The following GABRB1 variants were observed in gnomAD, a reference collection of about 807,000 sequenced individuals.
GABRB1 encodes the protein gamma-aminobutyric acid receptor subunit beta-1.
GABRB1 carries 17 observed loss-of-function variants against 51.6 expected under a neutral mutation model. The ratio of observed to expected loss-of-function variants is 0.33; its 90% CI spans 0.23 to 0.49. The LOEUF (loss-of-function observed/expected upper bound fraction) is 0.49, where lower values mean the gene tolerates loss of function less well. GABRB1 is among the 20% of genes least tolerant of loss of function. The probability of loss-of-function intolerance (pLI) is 0.99; values close to 1 mark genes in which losing one functional copy is unlikely to be tolerated. For synonymous variants in GABRB1, 247 were observed against 218.9 expected (o/e 1.13, Z -1.14); for missense variants, 410 against 600.6 (o/e 0.68, Z 3.32).
intron 4 of GABRB1, among the ~76,000 whole-genome samples, chr4:47,203,208 A>G (rs1480994182): frequency 6.6e-6 from 1 of 152,144 alleles, no homozygotes; most frequent in African/African-American, 2.4e-5. Context: ...ATAGGGAGAA[A>G]TTATTTCCCT....
intron 4 of GABRB1, among the ~76,000 whole-genome samples, chr4:47,212,238 C>G (rs1160947187): frequency 6.6e-6 from 1 of 152,250 alleles, no homozygotes; most frequent in East Asian, 1.9e-4. Flanking sequence ...TCTTCCACCT[C>G]TGATCTCCTG....
intron 4 of GABRB1, among the ~76,000 whole-genome samples, chr4:47,214,614 T>G (rs191629622): frequency 1.3e-5 from 2 of 152,308 alleles, no homozygotes; most frequent in African/African-American, 4.8e-5. Flanking sequence ...ATTTCTCATA[T>G]GCAAAATATG....
chr4:47,019,551 C>A (rs971009773), intron 1 of GABRB1, among the ~76,000 whole-genome samples: 3 of 121,254 alleles, frequency 2.5e-5, no homozygotes, highest in African/African-American at 5.4e-5. Flanking sequence ...GGTTTAGTTT[C>A]TCTCTCTCTC....
chr4:47,235,121 A>G (rs899678005), intron 4 of GABRB1, among the ~76,000 whole-genome samples: 3 of 152,150 alleles, frequency 2.0e-5, no homozygotes, highest in Non-Finnish European at 2.9e-5. Context: ...AGCTTTTTCC[A>G]TAACATACTA....
At chr4:47,398,881 C>G (rs1217024756) in intron 5 of GABRB1, among the ~76,000 whole-genome samples, 1 of 152,226 alleles carries the variant, frequency 6.6e-6, no homozygotes. Flanking sequence ...AGCTCCGCCT[C>G]CCGGGTTCAC....
chr4:47,103,897 G>C (rs1456497271), intron 3 of GABRB1, among the ~76,000 whole-genome samples: 1 of 151,512 alleles, frequency 6.6e-6, no homozygotes, highest in Non-Finnish European at 1.5e-5. Flanking sequence ...TCTAACACTT[G>C]ATATCAGCAC....
At chr4:47,072,773 G>T (rs574145745) in intron 3 of GABRB1, among the ~76,000 whole-genome samples, 1 of 152,052 alleles carries the variant, frequency 6.6e-6, no homozygotes. Flanking sequence ...TTTGAGTTGC[G>T]ATGGTTTTCT....
At chr4:47,027,684 A>ATTTTTATTT (rs1237524429), upstream of GABRB1, among the ~76,000 whole-genome samples, 4 of 151,672 alleles carry the variant, frequency 2.6e-5, no homozygotes, top group African/African-American at 9.7e-5. Context: ...TAAAAATAAC[A>ATTTTTATTT]TGAGATTTTT....
At chr4:47,357,253 T>C (rs1726618859) in intron 5 of GABRB1, among the ~76,000 whole-genome samples, 1 of 152,136 alleles carries the variant, frequency 6.6e-6, no homozygotes, top group African/African-American at 2.4e-5. Context: ...AGGAGTAAGA[T>C]CTGGGGAGTT....
At chr4:47,043,746 C>T (rs1174107269) in intron 3 of GABRB1, among the ~76,000 whole-genome samples, 2 of 152,050 alleles carry the variant, frequency 1.3e-5, no homozygotes, top group South Asian at 2.1e-4. Context: ...AACTAGTGAG[C>T]ACCTGCAGAA....
intron 4 of GABRB1, among the ~76,000 whole-genome samples, chr4:47,253,218 A>C (rs546565679): frequency 6.6e-6 from 1 of 152,350 alleles, no homozygotes; most frequent in Non-Finnish European, 1.5e-5. Context: ...CTGAAAGATA[A>C]TGTGATTTTT....
At chr4:47,292,524 A>C (rs1331844998) in intron 4 of GABRB1, among the ~76,000 whole-genome samples, 1 of 152,256 alleles carries the variant, frequency 6.6e-6, no homozygotes, top group Non-Finnish European at 1.5e-5. Flanking sequence ...TAGAAAAGCT[A>C]TTTTGAAAAG....
intron 1 of GABRB1, among the ~76,000 whole-genome samples, chr4:47,017,993 C>T (rs897324451): frequency 3.3e-5 from 5 of 151,722 alleles, no homozygotes; most frequent in Non-Finnish European, 5.9e-5. Context: ...TTAGTTTTTC[C>T]TGCTTTAAAA....
At chr4:47,087,033 T>C (rs1728106743) in intron 3 of GABRB1, among the ~76,000 whole-genome samples, 1 of 152,206 alleles carries the variant, frequency 6.6e-6, no homozygotes, top group Non-Finnish European at 1.5e-5. Flanking sequence ...ATTTTTCCAC[T>C]TGGGCTCCAC....
chr4:47,125,207 A>G (rs1716059926), intron 3 of GABRB1, among the ~76,000 whole-genome samples: 1 of 152,158 alleles, frequency 6.6e-6, no homozygotes, highest in Non-Finnish European at 1.5e-5. Context: ...CAGCTTCCAA[A>G]CAAGAGTACT....
intron 4 of GABRB1, among the ~76,000 whole-genome samples, chr4:47,247,765 T>C (rs1357943980): frequency 6.6e-6 from 1 of 152,118 alleles, no homozygotes; most frequent in African/African-American, 2.4e-5. Flanking sequence ...AAGTATTATA[T>C]ATTTTTTTGC....
intron 4 of GABRB1, among the ~76,000 whole-genome samples, chr4:47,269,578 C>T (rs1403782390): frequency 1.3e-5 from 2 of 152,040 alleles, no homozygotes; most frequent in Non-Finnish European, 2.9e-5. Context: ...AAAGAGATTA[C>T]CTTATAGCCA....
At chr4:47,368,787 G>T (rs2110016528) in intron 5 of GABRB1, among the ~76,000 whole-genome samples, 1 of 151,942 alleles carries the variant, frequency 6.6e-6, no homozygotes, top group African/African-American at 2.4e-5. Flanking sequence ...TAATGTTAGT[G>T]GTCATACACT....
chr4:47,346,738 A>G (rs1374762010), intron 5 of GABRB1, among the ~76,000 whole-genome samples: 2 of 152,266 alleles, frequency 1.3e-5, no homozygotes, highest in Non-Finnish European at 2.9e-5. Flanking sequence ...ATAGGCAGGT[A>G]TAAGTGTAAA....
Sources: gnomAD v4.1 joint callset for allele counts (sites outside exome capture counted in the v4.1 genomes callset) on GRCh38, gnomAD v4.1.1 for gene constraint, MANE v1.5 for transcripts, NCBI Gene and HGNC (gene_info 2026-07-23, HGNC 2026-07-21) for gene names.